The following STXBP5L variants were observed in gnomAD, a reference collection of about 807,000 sequenced individuals.
The protein encoded by STXBP5L is syntaxin-binding protein 5-like.
STXBP5L carries 65 observed loss-of-function variants against 144.5 expected under a neutral mutation model. The observed-to-expected ratio is 0.45, with a 90% CI of 0.37 to 0.55. The LOEUF (loss-of-function observed/expected upper bound fraction) is 0.55. Ranked by LOEUF, STXBP5L falls within the 20% of genes least tolerant of loss-of-function variation. The probability of loss-of-function intolerance (pLI) is 0.00; values close to 1 mark genes in which losing one functional copy is unlikely to be tolerated. For synonymous variants in STXBP5L, 505 were observed against 469.6 expected (o/e 1.08, Z -0.97); for missense variants, 1,298 against 1,405.5 (o/e 0.92, Z 1.22).
intron 20 of STXBP5L, among the ~76,000 whole-genome samples, chr3:121,338,950 C>G (rs2108576878): frequency 6.6e-6 from 1 of 152,268 alleles, no homozygotes; most frequent in Admixed American, 6.5e-5. Flanking sequence ...TACAAATTCA[C>G]AGCCAAATTC....
At chr3:121,387,390 CAGA>C (rs1451701151) in intron 22 of STXBP5L, among the ~76,000 whole-genome samples, 1 of 152,184 alleles carries the variant, frequency 6.6e-6, no homozygotes, top group African/African-American at 2.4e-5. Context: ...CTTTGCCGGA[CAGA>C]AGGTCTTTAG....
intron 9 of STXBP5L, among the ~76,000 whole-genome samples, chr3:121,169,449 C>T (rs1468476416): frequency 2.6e-5 from 4 of 152,136 alleles, no homozygotes; most frequent in African/African-American, 9.7e-5. Flanking sequence ...AAACCCATCT[C>T]AGGTGCTAAG....
chr3:121,279,787 A>AT lies in STXBP5L; in HGVS notation c.1959-10dup, dbSNP rs755945286. 3.0e-5 allele frequency: 49 copies of AT among 1,608,280 alleles called. No individual in the cohort carries two copies. The highest frequency in any genetic ancestry group is 1.1e-4 in the African/African-American group (8 of 74,512). Reference sequence around the variant, plus strand: ...GCTTGTTGTGATACATTCTAGTTGTATTTTTTTTCTCTCTTAGAGTTGCAT... The same window carrying AT: ...GCTTGTTGTGATACATTCTAGTTGTATTTTTTTTTCTCTCTTAGAGTTGCAT... On this transcript the variant is annotated splice_polypyrimidine_tract_variant and intron_variant, in intron 18 of 26. Transcript: ENST00000471454.
At chr3:121,407,003 TTTC>T (rs1383039587) in intron 22 of STXBP5L, among the ~76,000 whole-genome samples, 1 of 151,962 alleles carries the variant, frequency 6.6e-6, no homozygotes, top group Non-Finnish European at 1.5e-5. Flanking sequence ...GGGTCTGTTT[TTTC>T]TTCTTTTTTA....
At chr3:121,370,737 C>T (rs1319091418) in intron 20 of STXBP5L, among the ~76,000 whole-genome samples, 1 of 152,150 alleles carries the variant, frequency 6.6e-6, no homozygotes, top group Non-Finnish European at 1.5e-5. Context: ...TTTTCTGACT[C>T]TATTATTTCA....
chr3:121,005,438 C>T (rs1576635609), intron 3 of STXBP5L, among the ~76,000 whole-genome samples: 1 of 152,188 alleles, frequency 6.6e-6, no homozygotes, highest in East Asian at 1.9e-4. Flanking sequence ...TGATTCTTCT[C>T]TCTTTTCTTC....
intron 3 of STXBP5L, among the ~76,000 whole-genome samples, chr3:121,013,736 T>C (rs1317809558): frequency 1.3e-5 from 2 of 151,950 alleles, no homozygotes; most frequent in Non-Finnish European, 2.9e-5. Flanking sequence ...TCTAGAAGGG[T>C]ATTTCCTAGA....
At chr3:120,988,875 A>G (rs895082783) in intron 3 of STXBP5L, among the ~76,000 whole-genome samples, 7 of 152,014 alleles carry the variant, frequency 4.6e-5, no homozygotes, top group African/African-American at 7.2e-5. Flanking sequence ...GTTTATGTGT[A>G]CACATTATTT....
intron 9 of STXBP5L, among the ~76,000 whole-genome samples, chr3:121,178,451 TTAA>T (rs1363064945): frequency 6.6e-6 from 1 of 152,214 alleles, no homozygotes; most frequent in Non-Finnish European, 1.5e-5. Context: ...AAGGAAAATC[TTAA>T]TAAATTTTAT....
At chr3:121,228,221 C>G (rs2049184535) in intron 11 of STXBP5L, among the ~76,000 whole-genome samples, 1 of 152,112 alleles carries the variant, frequency 6.6e-6, no homozygotes, top group Admixed American at 6.6e-5. Flanking sequence ...CTGAAGTAGT[C>G]AAAACCCAAC....
At chr3:121,189,097 G>A (rs1225937082) in intron 9 of STXBP5L, among the ~76,000 whole-genome samples, 2 of 152,334 alleles carry the variant, frequency 1.3e-5, no homozygotes, top group African/African-American at 2.4e-5. Context: ...AAGCTGATAA[G>A]CTCATTGTAG....
In STXBP5L at chr3:121,003,476, C is replaced by T. The variant is rs567428415; in HGVS notation, c.288-38224C>T. On this transcript the variant is annotated intron_variant, in intron 3 of 26. Coordinates refer to ENST00000471454, the MANE Select transcript of STXBP5L (RefSeq NM_001308330.2). ...AGCCCTTTGTCAGATGAGTAGATTGCAAAAATTTTCTCCCATGCTCTAGGT... is the reference window on the plus strand; with the variant it reads ...AGCCCTTTGTCAGATGAGTAGATTGTAAAAATTTTCTCCCATGCTCTAGGT... 1.7e-4 allele frequency among the ~76,000 whole-genome samples: 26 copies of T among 152,260 alleles called. No homozygotes were observed. In the East Asian group the frequency reaches 3.1e-3, roughly 18 times the overall value.
chr3:121,069,246 C>A (rs1190698747), intron 5 of STXBP5L, among the ~76,000 whole-genome samples: 1 of 152,188 alleles, frequency 6.6e-6, no homozygotes, highest in Non-Finnish European at 1.5e-5. Flanking sequence ...TAAGTGGAAT[C>A]ATACAATGTG....
chr3:121,351,345 C>G (rs554132679), intron 20 of STXBP5L, among the ~76,000 whole-genome samples: 2 of 152,164 alleles, frequency 1.3e-5, no homozygotes, highest in Non-Finnish European at 2.9e-5. Context: ...AGTACCCGGC[C>G]GTGTCAGGTG....
intron 3 of STXBP5L, among the ~76,000 whole-genome samples, chr3:120,988,990 G>C (rs976997467): frequency 2.6e-5 from 4 of 151,986 alleles, no homozygotes; most frequent in Admixed American, 2.6e-4. Context: ...CAAAAGACAT[G>C]ATTTCATTCT....
At chr3:120,980,814 A>G (rs1014102043) in intron 3 of STXBP5L, among the ~76,000 whole-genome samples, 2 of 152,024 alleles carry the variant, frequency 1.3e-5, no homozygotes, top group African/African-American at 4.8e-5. Context: ...TAAGTTTTTT[A>G]TATTCCTGTG....
At chr3:121,043,067 G>T (rs146939740) in intron 4 of STXBP5L, among the ~76,000 whole-genome samples, 1 of 151,594 alleles carries the variant, frequency 6.6e-6, no homozygotes, top group South Asian at 2.1e-4. Flanking sequence ...CAGGTCCTAA[G>T]TTTGCCCCTG....
intron 3 of STXBP5L, among the ~76,000 whole-genome samples, chr3:120,971,201 A>G (rs913178072): frequency 5.3e-5 from 8 of 152,126 alleles, no homozygotes; most frequent in African/African-American, 1.7e-4. Context: ...GCCTTATGGT[A>G]CCAGTCAGTT....
At chr3:121,138,029 C>G (rs1007302124) in intron 7 of STXBP5L, among the ~76,000 whole-genome samples, 1 of 151,940 alleles carries the variant, frequency 6.6e-6, no homozygotes, top group Non-Finnish European at 1.5e-5. Flanking sequence ...ACATAGAAAT[C>G]CCTAAATACT....
Sources: allele counts gnomAD v4.1 joint callset (sites outside exome capture counted in the v4.1 genomes callset), GRCh38; gene constraint gnomAD v4.1.1; transcripts MANE v1.5; gene names NCBI Gene and HGNC (gene_info 2026-07-23, HGNC 2026-07-21).